The following GALNT17 variants were observed in gnomAD, a reference collection of about 807,000 sequenced individuals.
GALNT17 encodes the protein polypeptide N-acetylgalactosaminyltransferase 17, also known as UDP-GalNAc:polypeptide N-acetylgalactosaminyltransferase-like 3.
A neutral mutation model predicts 63.7 loss-of-function variants in GALNT17; 29 were observed. The ratio of observed to expected loss-of-function variants is 0.46; its 90% CI spans 0.34 to 0.62. The LOEUF (loss-of-function observed/expected upper bound fraction) is 0.62, where lower values mean the gene tolerates loss of function less well. Ranked by LOEUF, GALNT17 falls within the 20% of genes least tolerant of loss-of-function variation. The pLI is 0.01. For synonymous variants in GALNT17, 305 were observed against 318.3 expected, an observed-to-expected ratio of 0.96 and a Z score of 0.45; for missense variants, 603 against 799.6, an observed-to-expected ratio of 0.75 and a Z score of 2.97.
intron 1 of GALNT17, among the ~76,000 whole-genome samples, chr7:71,252,683 A>G (rs1053146451): frequency 5.9e-5 from 9 of 152,178 alleles, no homozygotes; most frequent in African/African-American, 2.2e-4. Flanking sequence ...GATCATACAT[A>G]TATGTGTGAA....
intron 5 of GALNT17, among the ~76,000 whole-genome samples, chr7:71,474,454 A>C (rs186216246): frequency 1.3e-5 from 2 of 152,274 alleles, no homozygotes. Flanking sequence ...GACGCCCCTG[A>C]CATTGTGTCA....
intron 5 of GALNT17, among the ~76,000 whole-genome samples, chr7:71,538,881 G>GGAGGGAAA (rs956775228): frequency 1.3e-5 from 2 of 151,902 alleles, no homozygotes; most frequent in African/African-American, 4.8e-5. Context: ...AGAGAGGGAG[G>GGAGGGAAA]GAGGGAAAGA....
rs867174558 is a variant in GALNT17, at chr7:71,323,067, T to C, written c.239-12483T>C. ...GAAGATAAAAGGACGGTTAATGATATGTCTTGATAATGTCTTGTAATATTT... is the reference window on the plus strand; with the variant it reads ...GAAGATAAAAGGACGGTTAATGATACGTCTTGATAATGTCTTGTAATATTT... On this transcript the variant is annotated intron_variant, in intron 1 of 10. Coordinates refer to ENST00000333538, the MANE Select transcript of GALNT17 (RefSeq NM_022479.3). Among the ~76,000 whole-genome samples, 16 of 152,134 alleles carry C rather than the reference T, an allele frequency of 1.1e-4. No individual in the cohort carries two copies. In the South Asian group the frequency reaches 1.7e-3, roughly 16 times the overall value.
chr7:71,359,403 G>T (rs1270429637), intron 2 of GALNT17, among the ~76,000 whole-genome samples: 1 of 151,948 alleles, frequency 6.6e-6, no homozygotes, highest in Non-Finnish European at 1.5e-5. Flanking sequence ...AGCTCCCAGG[G>T]AACTCTCCTG....
At chr7:71,201,257 A>ATATATATATATAT (rs10526171) in intron 1 of GALNT17, among the ~76,000 whole-genome samples, 15 of 148,288 alleles carry the variant, frequency 1.0e-4, no homozygotes, top group East Asian at 4.0e-4. Context: ...ATATATATAT[A>ATATATATATATAT]ATTTGTGTGT....
intron 1 of GALNT17, among the ~76,000 whole-genome samples, chr7:71,232,934 C>T (rs1259685139): frequency 6.6e-6 from 1 of 152,062 alleles, no homozygotes; most frequent in African/African-American, 2.4e-5. Context: ...AGTCCCATCT[C>T]CTATCTCAGA....
intron 6 of GALNT17, among the ~76,000 whole-genome samples, chr7:71,624,426 G>C (rs1352033584): frequency 6.6e-6 from 1 of 152,170 alleles, no homozygotes; most frequent in South Asian, 2.1e-4. Flanking sequence ...ATAATTAAGG[G>C]CTGTTTTACC....
At chr7:71,691,822 T>A (rs937470273) in intron 9 of GALNT17, among the ~76,000 whole-genome samples, 13 of 152,206 alleles carry the variant, frequency 8.5e-5, no homozygotes, top group African/African-American at 3.1e-4. Context: ...GCCAAATAAG[T>A]GAAAGTCACT....
At chr7:71,463,739 G>A (rs937179514) in intron 5 of GALNT17, among the ~76,000 whole-genome samples, 2 of 152,180 alleles carry the variant, frequency 1.3e-5, no homozygotes, top group African/African-American at 2.4e-5. Context: ...TCCGGGCATT[G>A]CCATGGCATT....
intron 6 of GALNT17, among the ~76,000 whole-genome samples, chr7:71,599,431 G>GA (rs1227746327): frequency 6.6e-6 from 1 of 152,202 alleles, no homozygotes; most frequent in African/African-American, 2.4e-5. Flanking sequence ...CACTTGCTGT[G>GA]AAAGTGTGGT....
At chr7:71,353,481 G>A (rs1306174234) in intron 2 of GALNT17, among the ~76,000 whole-genome samples, 1 of 152,112 alleles carries the variant, frequency 6.6e-6, no homozygotes, top group Non-Finnish European at 1.5e-5. Flanking sequence ...CATTTATCAT[G>A]TTTTATTTTG....
chr7:71,330,756 T>G (rs1374493193), intron 1 of GALNT17, among the ~76,000 whole-genome samples: 1 of 152,182 alleles, frequency 6.6e-6, no homozygotes, highest in Non-Finnish European at 1.5e-5. Context: ...TCTCTTGAAG[T>G]CTTGGGGTTC....
intron 6 of GALNT17, among the ~76,000 whole-genome samples, chr7:71,599,746 C>G (rs898910872): frequency 6.6e-6 from 1 of 151,922 alleles, no homozygotes; most frequent in African/African-American, 2.4e-5. Context: ...AAGAAATTAC[C>G]TAGCCCAAAA....
intron 6 of GALNT17, among the ~76,000 whole-genome samples, chr7:71,603,833 A>C (rs1790005141): frequency 6.6e-6 from 1 of 151,904 alleles, no homozygotes; most frequent in Non-Finnish European, 1.5e-5. Context: ...CATACACTGG[A>C]TACTATGCTA....
At chr7:71,449,889 A>C (rs1024643257) in intron 5 of GALNT17, among the ~76,000 whole-genome samples, 4 of 151,672 alleles carry the variant, frequency 2.6e-5, no homozygotes, top group African/African-American at 9.7e-5. Flanking sequence ...TAAAAATACA[A>C]AATTAGCCAG....
chr7:71,539,965 G>GT (rs1788861451), intron 5 of GALNT17, among the ~76,000 whole-genome samples: 2 of 150,518 alleles, frequency 1.3e-5, no homozygotes, highest in Admixed American at 1.3e-4. Flanking sequence ...TAATTTTTAA[G>GT]TTTTTCTTTG....
intron 1 of GALNT17, among the ~76,000 whole-genome samples, chr7:71,159,712 T>C (rs1788306061): frequency 6.7e-6 from 1 of 149,512 alleles, no homozygotes; most frequent in Non-Finnish European, 1.5e-5. Flanking sequence ...GGGCATCTGC[T>C]GTCACTGTGT....
chr7:71,582,354 C>A (rs1789647628), intron 6 of GALNT17, among the ~76,000 whole-genome samples: 1 of 150,086 alleles, frequency 6.7e-6, no homozygotes, highest in South Asian at 2.1e-4. Context: ...ACGGGCAGAT[C>A]ACGAGATCAG....
chr7:71,381,309 C>G (rs1033490703), intron 2 of GALNT17, among the ~76,000 whole-genome samples: 3 of 152,056 alleles, frequency 2.0e-5, no homozygotes, highest in African/African-American at 7.2e-5. Context: ...GATGCTGTTG[C>G]GGATGCTACA....
Sources: allele counts gnomAD v4.1 joint callset (sites outside exome capture counted in the v4.1 genomes callset), GRCh38; gene constraint gnomAD v4.1.1; transcripts MANE v1.5; gene names NCBI Gene and HGNC (gene_info 2026-07-23, HGNC 2026-07-21).